Variants in KMT2E observed in about 807,000 individuals in gnomAD.
KMT2E encodes the protein lysine methyltransferase 2E (inactive).
A neutral mutation model predicts 184.6 loss-of-function variants in KMT2E; 30 were observed. The observed-to-expected ratio is 0.16, with a 90% CI of 0.12 to 0.22. The LOEUF (loss-of-function observed/expected upper bound fraction) is 0.22, where lower values mean the gene tolerates loss of function less well. Among genes scored for constraint, KMT2E ranks in the 10% least tolerant of loss-of-function variants. The pLI, the probability that KMT2E is intolerant of heterozygous loss-of-function variation, is 1.00. For missense variants in KMT2E, 2,023 were observed against 2,237.4 expected (o/e 0.90, Z 1.93); for synonymous variants, 815 against 776.5 (o/e 1.05, Z -0.82).
chr7:105,109,331 G>A (rs756248873), intron 23 of KMT2E, 103 bp downstream of exon 23: 30 of 1,191,344 alleles, frequency 2.5e-5, no homozygotes, highest in Non-Finnish European at 3.0e-5. Context: ...GTGCTTCGTG[G>A]TCACAATTTT....
intron 1 of KMT2E, among the ~76,000 whole-genome samples, chr7:105,031,896 T>A (rs1795434208): frequency 6.8e-6 from 1 of 147,486 alleles, no homozygotes; most frequent in Non-Finnish European, 1.5e-5. Flanking sequence ...ATGATAAAAC[T>A]CTGTCTCTAC....
intron 13 of KMT2E, among the ~76,000 whole-genome samples, chr7:105,082,848 A>G (rs1320320939): frequency 6.6e-6 from 1 of 152,238 alleles, no homozygotes; most frequent in Non-Finnish European, 1.5e-5. Context: ...TCTTGAAAAC[A>G]ATGGAGCCCT....
chr7:105,102,797 GCTGTTTAGGGGTAGAT>G, intron 17 of KMT2E: 1 of 152,662 alleles, frequency 6.6e-6, no homozygotes, highest in Non-Finnish European at 1.5e-5. Flanking sequence ...TAATCCTTAT[GCTGTTTAGGGGTAGAT>G]CATGAATGTA....
Position 105,113,600 on chromosome 7 carries a change from C to A in KMT2E, c.*267C>A. Reference sequence around the variant, plus strand: ...TGATGCTGATTTGATGCTGTATGATCTTTTTTTTTTTTTTAGTTAAATTCA... The same window carrying A: ...TGATGCTGATTTGATGCTGTATGATATTTTTTTTTTTTTTAGTTAAATTCA... On this transcript the variant is annotated 3_prime_UTR_variant, in exon 27 of 27. Coordinates refer to ENST00000311117, the MANE Select transcript of KMT2E (RefSeq NM_182931.3). 2.0e-5 allele frequency: 4 copies of A among 204,308 alleles called. No individual in the cohort carries two copies. The highest frequency in any genetic ancestry group is 2.9e-5 in the Non-Finnish European group (3 of 104,284). 12.7% of individuals were successfully genotyped at this position (204,308 alleles called of 1,614,324 possible). A position where few individuals can be genotyped will look rare whatever the true frequency, so the allele number is the denominator to read the frequency against.
chr7:105,072,273 G>A (rs538486460), intron 6 of KMT2E, among the ~76,000 whole-genome samples: 42 of 152,202 alleles, frequency 2.8e-4, no homozygotes, highest in Non-Finnish European at 2.4e-4. Flanking sequence ...AGCCAAGGTC[G>A]CACCACGGAA....
At chr7:105,102,356 T>C (rs1208256640) in intron 17 of KMT2E, 162 bp downstream of exon 17, 1 of 544,692 alleles carries the variant, frequency 1.8e-6, no homozygotes, top group Non-Finnish European at 3.1e-6. Context: ...ACTGTAAAAT[T>C]AATATAAATG....
intron 15 of KMT2E, among the ~76,000 whole-genome samples, chr7:105,097,978 TAA>T (rs1403522709): frequency 3.3e-5 from 5 of 152,060 alleles, no homozygotes; most frequent in East Asian, 1.9e-4. Context: ...ATCAAAATAA[TAA>T]AGAGTGCCAT....
chr7:105,045,256 C>T (rs1796053479), intron 3 of KMT2E, among the ~76,000 whole-genome samples: 1 of 152,200 alleles, frequency 6.6e-6, no homozygotes, highest in South Asian at 2.1e-4. Flanking sequence ...ACTATTGACT[C>T]TCTTTACCTT....
Position 105,063,444 on chromosome 7 carries a change from A to G in KMT2E, c.280A>G (p.Thr94Ala). Residue 94 changes from threonine to alanine, a missense_variant, in exon 5 of 27, where the codon ACT (threonine) becomes GCT (alanine). Transcript: ENST00000311117. ...ISKNEVGIFT[T>A]PNFDETSSAT... Reference sequence around the variant, plus strand: ...CAAAAATGAAGTAGGCATATTTACCACTCCTAATTTTGATGAAACTTCCAG... The same window carrying G: ...CAAAAATGAAGTAGGCATATTTACCGCTCCTAATTTTGATGAAACTTCCAG... 6.2e-7 allele frequency: 1 copy of G among 1,613,704 alleles called. No homozygotes were observed. The highest frequency in any genetic ancestry group is 8.5e-7 in the Non-Finnish European group (1 of 1,179,786).
At chr7:105,034,724 T>G (rs1795560575) in intron 1 of KMT2E, among the ~76,000 whole-genome samples, 1 of 152,084 alleles carries the variant, frequency 6.6e-6, no homozygotes, top group African/African-American at 2.4e-5. Context: ...TTCTCCTATG[T>G]AACCATACCT....
chr7:105,077,107 C>G lies in KMT2E; in HGVS notation c.913C>G (p.Leu305Val). The G allele has an allele frequency of 2.5e-6, 4 of 1,613,990 alleles. No homozygotes were observed. The highest frequency in any genetic ancestry group is 3.4e-6 in the Non-Finnish European group (4 of 1,179,986). The part of the protein sequence containing the change: ...GVQREAQRIA[L>V]RLGNGNDKKE... ...TCAGAGGGAGGCACAAAGAATAGCT[C>G]TGAGATTAGGCAATGGAAATGACAA... Residue 305 changes from leucine (L) to valine (V), a missense_variant, in exon 10 of 27, where the codon CTG (leucine) becomes GTG (valine). Leu to Val is a conservative substitution (Grantham distance 32). Around this residue, in one of 8 missense-constraint regions of KMT2E, gnomAD observed 191 missense variants for 209.0 expected, o/e 0.91. Coordinates refer to ENST00000311117, the MANE Select transcript of KMT2E (RefSeq NM_182931.3).
At position 105,110,340 on chromosome 7, in the gene KMT2E, C is replaced by CAGTG; in HGVS notation, c.3818_3821dup (p.Asp1274GlufsTer2). Reference sequence around the variant, plus strand: ...GGAGTTATCAGAGAGCTTTACTTCTCAGTGATCACCGAAAAGATAAAGATA... The same window carrying CAGTG: ...GGAGTTATCAGAGAGCTTTACTTCTCAGTGAGTGATCACCGAAAAGATAAAGATA... On this transcript the variant is annotated frameshift_variant, in exon 24 of 27. Transcript: ENST00000311117. LOFTEE classifies it high-confidence loss of function. 1 of 1,614,122 alleles carries CAGTG rather than the reference C, an allele frequency of 6.2e-7. No individual in the cohort carries two copies. The highest frequency in any genetic ancestry group is 8.5e-7 in the Non-Finnish European group (1 of 1,179,978).
intron 3 of KMT2E, among the ~76,000 whole-genome samples, chr7:105,056,849 GGAA>G (rs1468948389): frequency 6.6e-6 from 1 of 152,060 alleles, no homozygotes; most frequent in Non-Finnish European, 1.5e-5. Context: ...CATATTGCTG[GGAA>G]GAAGGTAAAA....
At chr7:105,094,325 T>C (rs1417824461) in intron 15 of KMT2E, among the ~76,000 whole-genome samples, 1 of 152,192 alleles carries the variant, frequency 6.6e-6, no homozygotes, top group East Asian at 1.9e-4. Flanking sequence ...AGCATACTAC[T>C]CTTGAGAAAC....
In KMT2E at chr7:105,050,045, T is replaced by G. The variant is rs549944051; in HGVS notation, c.71+9022T>G. Reference sequence around the variant, plus strand: ...ATCCCATGTCTCTTGCATCTTCAGTTTCTCTATTAGATCATTCCTATCACA... The same window carrying G: ...ATCCCATGTCTCTTGCATCTTCAGTGTCTCTATTAGATCATTCCTATCACA... On this transcript the variant is annotated intron_variant, in intron 3 of 26. Transcript: ENST00000311117. Among the ~76,000 whole-genome samples, 15 of 152,322 alleles carry G rather than the reference T, an allele frequency of 9.8e-5. No individual in the cohort carries two copies. The East Asian group carries it at 2.9e-3, about 29-fold the overall frequency.
intron 6 of KMT2E, among the ~76,000 whole-genome samples, chr7:105,072,254 C>T (rs1373840745): frequency 6.6e-6 from 1 of 152,022 alleles, no homozygotes; most frequent in Non-Finnish European, 1.5e-5. Context: ...GGAGTTGGAG[C>T]TTGCAGTGAG....
At chr7:105,106,176 A>G (rs1798891291) in intron 19 of KMT2E, among the ~76,000 whole-genome samples, 173 bp downstream of exon 19, 2 of 152,226 alleles carry the variant, frequency 1.3e-5, no homozygotes, top group Admixed American at 1.3e-4. Flanking sequence ...CCAGTTCACA[A>G]TACCACGTAT....
At chr7:105,078,768 A>G in intron 11 of KMT2E, 78 bp from the exon 12 acceptor site, 1 of 712,390 alleles carries the variant, frequency 1.4e-6, no homozygotes, top group Non-Finnish European at 2.4e-6. Context: ...TCGGCCTCCC[A>G]AAGTGCTGGA....
chr7:105,063,864 A>T (rs1796918763), intron 5 of KMT2E: 1 of 482,638 alleles, frequency 2.1e-6, no homozygotes, highest in Non-Finnish European at 3.8e-6. Flanking sequence ...GTACATAAAC[A>T]TAGCAGTAGA....
Sources: gnomAD v4.1 joint callset for allele counts (sites outside exome capture counted in the v4.1 genomes callset) on GRCh38, gnomAD v4.1.1 for gene constraint, gnomAD v4.1.1 regional missense constraint, MANE v1.5 for transcripts, NCBI Gene and HGNC (gene_info 2026-07-23, HGNC 2026-07-21) for gene names.